Variants in CHD3 observed in about 807,000 individuals in gnomAD.
The protein encoded by CHD3 is chromodomain helicase DNA binding protein 3.
CHD3 carries 52 observed loss-of-function variants against 248.9 expected under a neutral mutation model. The ratio of observed to expected loss-of-function variants is 0.21; its 90% CI spans 0.17 to 0.26. The LOEUF (loss-of-function observed/expected upper bound fraction) is 0.26. Ranked by LOEUF, CHD3 falls within the 10% of genes least tolerant of loss-of-function variation. The probability of loss-of-function intolerance (pLI) is 1.00; values close to 1 mark genes in which losing one functional copy is unlikely to be tolerated. For missense variants in CHD3, 1,482 were observed against 2,605.8 expected (o/e 0.57, Z 9.39); for synonymous variants, 985 against 985.2 (o/e 1.00, Z 0.00).
At position 7,906,602 on chromosome 17, in the gene CHD3, G is replaced by A. The variant is rs769780640; in HGVS notation, c.4408G>A (p.Gly1470Ser). The change falls in exon 29 of 40, where the codon GGC (glycine) becomes AGC (serine). Residue 1470 changes from glycine to serine, a missense_variant. Around this residue, in one of 20 missense-constraint regions of CHD3, gnomAD observed 156 missense variants for 420.3 expected, o/e 0.37. Transcript: ENST00000330494. This position sits in a 1 kb window ranked among gnomAD's most constrained non-coding sequence, Gnocchi z 5.0. ...MRHLCEPGAD[G>S]SETFADGVPR... is the part of the protein sequence containing the mutation. The stretch of plus-strand genomic sequence containing the variant: ...CCATCTGTGTGAGCCTGGGGCAGAC[G>A]GCTCTGAAACCTTTGCCGATGGGGT... 2 of 1,613,946 alleles carry A rather than the reference G, an allele frequency of 1.2e-6. No homozygotes were observed. Among genetic ancestry groups the A allele is most frequent in the South Asian group, 2.2e-5 (2 of 91,070 alleles).
At chr17:7,902,544 T>G in intron 20 of CHD3, 66 bp from the exon 21 acceptor site, 2 of 980,456 alleles carry the variant, frequency 2.0e-6, no homozygotes, top group Non-Finnish European at 3.2e-6. Context: ...TGTAAAGGAG[T>G]AGTTAGAATA....
intron 2 of CHD3, 62 bp from the exon 3 acceptor site, chr17:7,890,509 C>T: frequency 8.4e-7 from 1 of 1,194,104 alleles, no homozygotes; most frequent in Non-Finnish European, 1.2e-6. Flanking sequence ...ATGGTATGTG[C>T]TGAGAACAGT....
In CHD3 at chr17:7,904,028, G is replaced by A; in HGVS notation, c.3894+37G>A. ...TGGGGGCCAGACATTATCTATCCCA[G>A]GCCATCTCCAAAAGGCAGTATCCTT... is the stretch of plus-strand genomic sequence containing the variant. On this transcript the variant is annotated intron_variant, in intron 24 of 39. Coordinates refer to ENST00000330494, the MANE Select transcript of CHD3 (RefSeq NM_001005273.3). The surrounding 1 kb of genome is among the most constrained non-coding windows in gnomAD (Gnocchi z 4.4). 1 of 1,604,124 alleles carries A rather than the reference G, an allele frequency of 6.2e-7. No homozygotes were observed. Among genetic ancestry groups the A allele is most frequent in the Non-Finnish European group, 8.5e-7 (1 of 1,173,396 alleles).
chr17:7,890,377 C>A, intron 2 of CHD3, 194 bp from the exon 3 acceptor site: 1 of 439,702 alleles, frequency 2.3e-6, no homozygotes, highest in Non-Finnish European at 4.0e-6. Flanking sequence ...TGCAGTGAGC[C>A]GAGATCACGT....
At chr17:7,896,781 C>T (rs531419408) in intron 10 of CHD3, among the ~76,000 whole-genome samples, 54 of 152,138 alleles carry the variant, frequency 3.5e-4, no homozygotes, top group Admixed American at 1.2e-3. Context: ...GCCTCAGCCT[C>T]CTGAGTATCT....
At chr17:7,902,420 CA>C (rs200617599) in intron 20 of CHD3, among the ~76,000 whole-genome samples, 189 bp from the exon 21 acceptor site, 2 of 144,388 alleles carry the variant, frequency 1.4e-5, no homozygotes, top group East Asian at 2.0e-4. Context: ...GACTCCATCT[CA>C]AAAAAAAATA....
chr17:7,890,237 C>A (rs1449857717), intron 2 of CHD3, among the ~76,000 whole-genome samples: 5 of 152,066 alleles, frequency 3.3e-5, no homozygotes, highest in African/African-American at 7.2e-5. Flanking sequence ...TCGCGACAAG[C>A]CTGGCCAATG....
rs375549221 is a variant in CHD3, at chr17:7,906,850, T to G, written c.4504-19T>G. On this transcript the variant is annotated intron_variant, in intron 29 of 39. Transcript: ENST00000330494. This position sits in a 1 kb window ranked among gnomAD's most constrained non-coding sequence, Gnocchi z 5.0. Reference sequence around the variant, plus strand: ...AGCGCCTGGAGCTGACACCTAACCCTCCCACCCTGCCACCCCAGGTGCAGG... The same window carrying G: ...AGCGCCTGGAGCTGACACCTAACCCGCCCACCCTGCCACCCCAGGTGCAGG... The G allele has an allele frequency of 1.1e-5, 18 of 1,613,704 alleles. No individual in the cohort carries two copies. Among genetic ancestry groups the G allele is most frequent in the Admixed American group, 1.7e-5 (1 of 59,964 alleles).
chr17:7,908,065 C>T lies in CHD3; in HGVS notation c.5152+46C>T. On this transcript the variant is annotated intron_variant, in intron 34 of 39. Transcript: ENST00000330494. The surrounding 1 kb of genome is among the most constrained non-coding windows in gnomAD (Gnocchi z 5.8). Reference sequence around the variant, plus strand: ...TTTCTGCTCCTCAAGGGGATCTGCTCATCCTCATGGGGTTTCTCGTTTTGC... The same window carrying T: ...TTTCTGCTCCTCAAGGGGATCTGCTTATCCTCATGGGGTTTCTCGTTTTGC... 1 of 1,551,786 alleles carries T rather than the reference C, an allele frequency of 6.4e-7. No homozygotes were observed.
Position 7,889,107 on chromosome 17 carries a change from A to G in CHD3, c.100+7A>G. 1 of 1,614,178 alleles carries G rather than the reference A, an allele frequency of 6.2e-7. No individual in the cohort carries two copies. The highest frequency in any genetic ancestry group is 8.5e-7 in the Non-Finnish European group (1 of 1,180,012). On this transcript the variant is annotated splice_region_variant and intron_variant, in intron 1 of 39. Transcript: ENST00000330494. The surrounding 1 kb of genome is among the most constrained non-coding windows in gnomAD (Gnocchi z 4.5). ...TGGGGTGACAGGATGCCTGGTAATT[A>G]TCCGAGGAAATGTAAATAGAGGCCT...
chr17:7,911,832 G>C lies in CHD3; in HGVS notation c.*247G>C, dbSNP rs1231885375. 1 of 1,179,288 alleles carries C rather than the reference G, an allele frequency of 8.5e-7. No individual in the cohort carries two copies. The highest frequency in any genetic ancestry group is 1.1e-6 in the Non-Finnish European group (1 of 870,860). 73.1% of individuals were successfully genotyped at this position (1,179,288 alleles called of 1,614,324 possible). A position where few individuals can be genotyped will look rare whatever the true frequency, so the allele number is the denominator to read the frequency against. ...TGAGAAGAAGTCTGGGTGGGAGATGGCTGGCAGGGTCTTCCAAGTACCTTC... is the reference window on the plus strand; with the variant it reads ...TGAGAAGAAGTCTGGGTGGGAGATGCCTGGCAGGGTCTTCCAAGTACCTTC... On this transcript the variant is annotated 3_prime_UTR_variant, in exon 40 of 40. Transcript: ENST00000330494. This position sits in a 1 kb window ranked among gnomAD's most constrained non-coding sequence, Gnocchi z 5.4.
chr17:7,889,091 A>T lies in CHD3; in HGVS notation c.91A>T (p.Arg31Trp), dbSNP rs1014145499. Residue 31 changes from arginine (R) to tryptophan (W), a missense_variant, in exon 1 of 40, where the codon AGG (arginine) becomes TGG (tryptophan). Transcript: ENST00000330494. The surrounding 1 kb of genome is among the most constrained non-coding windows in gnomAD (Gnocchi z 4.5). ...SFPPGLCWGD[R>W]MPDKDDIRLL... ...TCCTCCAGGACTGTGTTGGGGTGAC[A>T]GGATGCCTGGTAATTATCCGAGGAA... is the stretch of plus-strand genomic sequence containing the variant. The T allele has an allele frequency of 6.2e-7, 1 of 1,614,100 alleles. No homozygotes were observed. The highest frequency in any genetic ancestry group is 1.3e-5 in the African/African-American group (1 of 74,954).
Position 7,904,332 on chromosome 17 carries a change from G to A in CHD3, c.3895-110G>A. On this transcript the variant is annotated intron_variant, in intron 24 of 39. Transcript: ENST00000330494. The surrounding 1 kb of genome is among the most constrained non-coding windows in gnomAD (Gnocchi z 4.4). The stretch of plus-strand genomic sequence containing the variant: ...ATGTATGCAGAGCCACGAAGCTGCA[G>A]GAGTGGGGAGACCGGATTGGGCTGA... 1.0e-6 allele frequency: 1 copy of A among 996,454 alleles called. No individual in the cohort carries two copies. The highest frequency in any genetic ancestry group is 1.5e-5 in the South Asian group (1 of 65,190). The allele number at this position is 996,454 out of a possible 1,614,324, so 61.7% of individuals were successfully genotyped here.
chr17:7,893,209 T>C (rs975511509), intron 4 of CHD3, 77 bp from the exon 5 acceptor site: 1 of 1,478,124 alleles, frequency 6.8e-7, no homozygotes, highest in Non-Finnish European at 9.0e-7. Context: ...TGTACATAGA[T>C]TTAATTGATG....
chr17:7,888,684 G>A, upstream of CHD3: 1 of 497,950 alleles, frequency 2.0e-6, no homozygotes, highest in Admixed American at 4.7e-5. Flanking sequence ...GCAGGTACAG[G>A]CCATCCTCTG....
Position 7,909,319 on chromosome 17 carries a change from C to T in CHD3, c.5571C>T (p.Ala1857=), listed in dbSNP as rs746837629. The change falls in exon 37 of 40, where the codon GCC becomes GCT. Residue 1857 remains alanine (A), a synonymous_variant. Transcript: ENST00000330494. The surrounding 1 kb of genome is among the most constrained non-coding windows in gnomAD (Gnocchi z 8.1). ...SKESLAGNKP[A]NAVLHKVLNQ... is the part of the protein sequence containing the mutation. ...AGTCGCTGGCGGGGAACAAGCCGGC[C>T]AACGCCGTCCTGCACAAGGGTAAGG... 4 of 1,557,766 alleles carry T rather than the reference C, an allele frequency of 2.6e-6. No individual in the cohort carries two copies. The highest frequency in any genetic ancestry group is 2.2e-4 in the Middle Eastern group (1 of 4,554).
At chr17:7,887,520 C>A (rs746088225), upstream of CHD3, among the ~76,000 whole-genome samples, 1 of 152,050 alleles carries the variant, frequency 6.6e-6, no homozygotes, top group Non-Finnish European at 1.5e-5. Context: ...AGTTTCTTTG[C>A]AAAAGGTCTG....
chr17:7,890,131 C>T (rs1418612955), intron 2 of CHD3, among the ~76,000 whole-genome samples: 1 of 152,174 alleles, frequency 6.6e-6, no homozygotes, highest in Non-Finnish European at 1.5e-5. Flanking sequence ...GTTTCCTCAT[C>T]TGTAAAAAGT....
At chr17:7,884,798 A>T, upstream of CHD3, 1 of 523,798 alleles carries the variant, frequency 1.9e-6, no homozygotes, top group Non-Finnish European at 2.9e-6. Context: ...GGGGGGCCAG[A>T]GCCACAGGAT....
Sources: gnomAD v4.1 joint callset for allele counts (sites outside exome capture counted in the v4.1 genomes callset) on GRCh38, gnomAD v4.1.1 for gene constraint, gnomAD v4.1.1 regional missense constraint, Gnocchi (gnomAD v3.1) non-coding constraint, MANE v1.5 for transcripts, NCBI Gene and HGNC (gene_info 2026-07-23, HGNC 2026-07-21) for gene names.